ATXN7: variants seen among roughly 807,000 people sequenced by gnomAD.
ATXN7 encodes the protein ataxin-7.
In ATXN7, 12 loss-of-function variants were observed where a neutral mutation model predicts 70.5. The observed-to-expected ratio is 0.17, with a 90% CI of 0.11 to 0.28. The LOEUF (loss-of-function observed/expected upper bound fraction) is 0.28, where lower values mean the gene tolerates loss of function less well. Among genes scored for constraint, ATXN7 ranks in the 10% least tolerant of loss-of-function variants. The pLI is 1.00. For missense variants in ATXN7, 1,256 were observed against 1,131.7 expected (o/e 1.11, Z -1.58); for synonymous variants, 498 against 448.7 (o/e 1.11, Z -1.39).
At position 63,996,055 on chromosome 3, in the gene ATXN7, C is replaced by T; in HGVS notation, c.2233C>T (p.Pro745Ser). 6.2e-7 allele frequency: 1 copy of T among 1,614,192 alleles called. No individual in the cohort carries two copies. Among genetic ancestry groups the T allele is most frequent in the Non-Finnish European group, 8.5e-7 (1 of 1,180,040 alleles). Residue 745 changes from proline to serine, a missense_variant, in exon 12 of 13, where the codon CCC becomes TCC. Pro to Ser is a moderately conservative substitution (Grantham distance 74). Transcript: ENST00000674280. ...RKNCVAHSGP[P>S]YPSTVTSSHS... ...AAACTGTGTGGCTCACTCTGGGCCTCCCTACCCCTCAACGGTAACATCTTC... is the reference window on the plus strand; with the variant it reads ...AAACTGTGTGGCTCACTCTGGGCCTTCCTACCCCTCAACGGTAACATCTTC...
intron 2 of ATXN7, 51 bp from the exon 3 acceptor site, chr3:63,912,537 A>G (rs1225581857): frequency 9.4e-6 from 10 of 1,067,414 alleles, no homozygotes; most frequent in Middle Eastern, 4.4e-4. Context: ...GCGCCTCCTT[A>G]AAAAACGGCC....
intron 5 of ATXN7, among the ~76,000 whole-genome samples, chr3:63,976,895 A>G (rs1235793372): frequency 6.6e-6 from 1 of 152,256 alleles, no homozygotes; most frequent in African/African-American, 2.4e-5. Context: ...CAAATGTTAA[A>G]TGGTAAAAAA....
chr3:63,934,949 G>C (rs2074631764), intron 4 of ATXN7, among the ~76,000 whole-genome samples: 1 of 152,194 alleles, frequency 6.6e-6, no homozygotes. Flanking sequence ...CTGGATTCTA[G>C]TTGTGACAAC....
At chr3:63,877,067 T>A (rs929577576) in intron 1 of ATXN7, among the ~76,000 whole-genome samples, 1 of 152,232 alleles carries the variant, frequency 6.6e-6, no homozygotes, top group South Asian at 2.1e-4. Context: ...ATGGTTTTTT[T>A]AATTTAAGAG....
chr3:63,967,711 G>A (rs2075249318), intron 5 of ATXN7: 1 of 1,281,894 alleles, frequency 7.8e-7, no homozygotes, highest in South Asian at 2.0e-5. Flanking sequence ...CGCCTTGTAT[G>A]ACCATATTAG....
chr3:63,982,118 G>A, intron 6 of ATXN7, 68 bp from the exon 7 acceptor site: 1 of 1,603,280 alleles, frequency 6.2e-7, no homozygotes, highest in Non-Finnish European at 8.5e-7. Flanking sequence ...TCATCCCTCT[G>A]GCTCACCATT....
Position 63,912,714 on chromosome 3 carries a change from A to AGCAGCAGCAGCAGCAGCAGCAGCAGCC in ATXN7, c.118_119insAGCAGCAGCAGCAGCAGCAGCAGCCGC (p.Gln39_Pro40insGlnGlnGlnGlnGlnGlnGlnGlnPro), listed in dbSNP as rs770364745. On this transcript the variant is annotated inframe_insertion, in exon 3 of 13. Coordinates refer to ENST00000674280, the MANE Select transcript of ATXN7 (RefSeq NM_001377405.1). ...CAGCAGCAGCAGCAGCAGCAGCAGC[A>AGCAGCAGCAGCAGCAGCAGCAGCAGCC]GCCGCCGCCTCCGCAGCCCCAGCGG... The AGCAGCAGCAGCAGCAGCAGCAGCAGCC allele has an allele frequency of 8.2e-6, 10 of 1,212,566 alleles. No homozygotes were observed. In the African/African-American group the frequency reaches 1.3e-4, roughly 16 times the overall value. The allele number at this position is 1,212,566 out of a possible 1,614,324, so 75.1% of individuals were successfully genotyped here.
intron 12 of ATXN7, chr3:63,998,679 A>C: frequency 1.0e-6 from 1 of 985,296 alleles, no homozygotes; most frequent in African/African-American, 1.7e-5. Context: ...AGATCAAAGG[A>C]TCATTGAACC....
At chr3:63,938,033 C>A (rs763477429) in intron 4 of ATXN7, among the ~76,000 whole-genome samples, 1 of 152,188 alleles carries the variant, frequency 6.6e-6, no homozygotes, top group African/African-American at 2.4e-5. Context: ...ACTTCAGAAG[C>A]ACTCGAAACA....
rs1211568482 is a variant in ATXN7, at chr3:63,912,713, CA to C, written c.116del (p.Gln39ArgfsTer51). 1.5e-4 allele frequency: 184 copies of C among 1,214,876 alleles called. No homozygotes were observed. The African/African-American group carries it at 2.3e-3, about 15-fold the overall frequency. 75.3% of individuals were successfully genotyped at this position (1,214,876 alleles called of 1,614,324 possible). A position where few individuals can be genotyped will look rare whatever the true frequency, so the allele number is the denominator to read the frequency against. On this transcript the variant is annotated frameshift_variant, in exon 3 of 13. Coordinates refer to ENST00000674280, the MANE Select transcript of ATXN7 (RefSeq NM_001377405.1). LOFTEE classifies it high-confidence loss of function. ...GCAGCAGCAGCAGCAGCAGCAGCAGCAGCCGCCGCCTCCGCAGCCCCAGCGG... is the reference window on the plus strand; with the variant it reads ...GCAGCAGCAGCAGCAGCAGCAGCAGCGCCGCCGCCTCCGCAGCCCCAGCGG... Reference protein sequence around the residue: ...RQQQQQQQQQQPPPPQPQRQQ... With the variant: ...RQQQQQQQQQXPPPPQPQRQQ...
At chr3:63,994,383 C>G (rs1052833386) in intron 11 of ATXN7, among the ~76,000 whole-genome samples, 2 of 152,082 alleles carry the variant, frequency 1.3e-5, no homozygotes, top group East Asian at 3.9e-4. Flanking sequence ...TACAGGTGCA[C>G]ACCACCATGC....
intron 11 of ATXN7, among the ~76,000 whole-genome samples, chr3:63,992,673 G>A (rs2075690893): frequency 6.6e-6 from 1 of 152,190 alleles, no homozygotes; most frequent in South Asian, 2.1e-4. Flanking sequence ...GGTCGACTCT[G>A]CTGTCTACTC....
In ATXN7 at chr3:63,863,927, C is replaced by A; in HGVS notation, c.-342C>A. The A allele has an allele frequency of 2.7e-6, 2 of 741,692 alleles. No homozygotes were observed. The highest frequency in any genetic ancestry group is 3.3e-6 in the Non-Finnish European group (2 of 604,840). The allele number at this position is 741,692 out of a possible 1,614,324, so 45.9% of individuals were successfully genotyped here. Reference sequence around the variant, plus strand: ...GCGGCGGCGCCCGCGGCCGCCTGCTCCGACGCCTGAGCCGCGCCGCGCCGC... The same window carrying A: ...GCGGCGGCGCCCGCGGCCGCCTGCTACGACGCCTGAGCCGCGCCGCGCCGC... On this transcript the variant is annotated 5_prime_UTR_variant, in exon 1 of 13. Coordinates refer to ENST00000674280, the MANE Select transcript of ATXN7 (RefSeq NM_001377405.1).
chr3:63,864,177 C>T lies in ATXN7; in HGVS notation c.-111+19C>T, dbSNP rs906303031. Among the ~76,000 whole-genome samples the T allele has an allele frequency of 1.3e-5, 2 of 150,704 alleles. No homozygotes were observed. Among genetic ancestry groups the T allele is most frequent in the African/African-American group, 2.4e-5 (1 of 41,176 alleles). ...CCGCCAGGTGAGCTCGCCCGGACGC[C>T]GCCAGGGCTGCGGGGGTGCGGCGGG... On this transcript the variant is annotated intron_variant, in intron 1 of 12. Transcript: ENST00000674280.
At chr3:63,945,420 C>T (rs993899683) in intron 4 of ATXN7, among the ~76,000 whole-genome samples, 6 of 152,190 alleles carry the variant, frequency 3.9e-5, no homozygotes, top group Admixed American at 1.3e-4. Flanking sequence ...TTACTAGAAA[C>T]TGCCTCTAGG....
intron 4 of ATXN7, among the ~76,000 whole-genome samples, chr3:63,934,433 A>T (rs533726003): frequency 6.6e-6 from 1 of 152,082 alleles, no homozygotes; most frequent in Non-Finnish European, 1.5e-5. Context: ...TCATACAGTC[A>T]TCCTACTTCT....
chr3:63,903,656 C>G (rs1033584254), intron 2 of ATXN7: 1 of 152,134 alleles, frequency 6.6e-6, no homozygotes, highest in Non-Finnish European at 1.5e-5. Context: ...AATTTATTGA[C>G]TCTTCATAAG....
rs571684328 is a variant in ATXN7 at position 63,915,429 on chromosome 3, A to T, written c.394+2204A>T. ...GATATTTTAAAATCCAAGTTTGAGG[A>T]TGTTCAGCACTCACTCAGTGGACCT... On this transcript the variant is annotated intron_variant, in intron 4 of 12. Coordinates refer to ENST00000674280, the MANE Select transcript of ATXN7 (RefSeq NM_001377405.1). 1.8e-4 allele frequency among the ~76,000 whole-genome samples: 28 copies of T among 152,310 alleles called. No individual in the cohort carries two copies. The South Asian group carries it at 5.6e-3, about 30-fold the overall frequency.
At chr3:63,872,161 CTT>C (rs138910364) in intron 1 of ATXN7, among the ~76,000 whole-genome samples, 15,591 of 152,220 alleles carry the variant, frequency 0.1, 975 homozygotes, top group Admixed American at 0.15. Flanking sequence ...CATAGTGACT[CTT>C]TGTGGACTTT....
Sources: allele counts gnomAD v4.1 joint callset (sites outside exome capture counted in the v4.1 genomes callset), GRCh38; gene constraint gnomAD v4.1.1; transcripts MANE v1.5; gene names NCBI Gene and HGNC (gene_info 2026-07-23, HGNC 2026-07-21).